CHRM2: variants seen among roughly 807,000 people sequenced by gnomAD.
CHRM2 encodes muscarinic acetylcholine receptor M2.
A neutral mutation model predicts 25.0 loss-of-function variants in CHRM2; 8 were observed. That is an observed-to-expected ratio of 0.32 (90% CI 0.19 to 0.58). The LOEUF (loss-of-function observed/expected upper bound fraction) is 0.58, where lower values mean the gene tolerates loss of function less well. CHRM2 is among the 20% of genes least tolerant of loss of function. CHRM2 has a pLI of 0.88. For missense variants in CHRM2, 440 were observed against 567.1 expected (o/e 0.78, Z 2.28); for synonymous variants, 202 against 205.7 (o/e 0.98, Z 0.15).
intron 2 of CHRM2, among the ~76,000 whole-genome samples, chr7:136,943,727 G>C (rs1799904573): frequency 3.0e-5 from 1 of 33,100 alleles, no homozygotes; most frequent in East Asian, 4.5e-4. Flanking sequence ...CAGTATCAAT[G>C]ATTATCTCAG....
chr7:136,918,981 T>A (rs1321269919), intron 2 of CHRM2, among the ~76,000 whole-genome samples: 1 of 152,126 alleles, frequency 6.6e-6, no homozygotes, highest in Admixed American at 6.6e-5. Context: ...ATGGTATAAA[T>A]ACTTTGTCCA....
At chr7:136,962,192 G>A (rs1801132039) in intron 2 of CHRM2, among the ~76,000 whole-genome samples, 1 of 151,708 alleles carries the variant, frequency 6.6e-6, no homozygotes, top group Non-Finnish European at 1.5e-5. Flanking sequence ...GAGTGCAGTG[G>A]TGCAATCTTG....
intron 2 of CHRM2, chr7:136,901,839 C>A (rs926352657): frequency 2.0e-5 from 3 of 151,932 alleles, no homozygotes; most frequent in Admixed American, 6.6e-5. Context: ...ATCATGGACT[C>A]AGGGGCTGAC....
At chr7:136,949,459 T>TAAAAAAAAA (rs386411435) in intron 2 of CHRM2, among the ~76,000 whole-genome samples, 1 of 120,850 alleles carries the variant, frequency 8.3e-6, no homozygotes, top group East Asian at 2.6e-4. Context: ...TCTGCAAAAC[T>TAAAAAAAAA]AAAAAAAAAA....
chr7:136,962,610 G>C (rs573464718), intron 2 of CHRM2, among the ~76,000 whole-genome samples: 1 of 152,236 alleles, frequency 6.6e-6, no homozygotes, highest in East Asian at 1.9e-4. Context: ...AAGTTAGTGG[G>C]GAAATGTAAT....
chr7:137,018,712 C>T lies in CHRM2; in HGVS notation c.*2446C>T, dbSNP rs1805298734. The T allele has an allele frequency of 6.6e-6, 1 of 151,854 alleles. No individual in the cohort carries two copies. Among genetic ancestry groups the T allele is most frequent in the African/African-American group, 2.4e-5 (1 of 41,370 alleles). The allele number at this position is 151,854 out of a possible 1,614,324, so 9.4% of individuals were successfully genotyped here. A position where few individuals can be genotyped will look rare whatever the true frequency, so the allele number is the denominator to read the frequency against. On this transcript the variant is annotated 3_prime_UTR_variant, in exon 4 of 4. Transcript: ENST00000680005. The stretch of plus-strand genomic sequence containing the variant: ...TCCTCCCTCTGTTATTGATCCTTGC[C>T]ACAGCCACTGCAACCTCATTGAAAG...
At chr7:136,897,818 T>C (rs891301121) in intron 2 of CHRM2, among the ~76,000 whole-genome samples, 1 of 152,168 alleles carries the variant, frequency 6.6e-6, no homozygotes, top group African/African-American at 2.4e-5. Flanking sequence ...TCATTTTTTG[T>C]TCATAATTTA....
Position 136,985,528 on chromosome 7 carries a change from A to C in CHRM2, c.-124-6659A>C, listed in dbSNP as rs324629. ...CCAAAAAAAAAAAAAAAAAAAAAAA[A>C]CAAAAACACCTCTAATATCTGAAAT... On this transcript the variant is annotated intron_variant, in intron 2 of 3. Coordinates refer to ENST00000680005, the MANE Select transcript of CHRM2 (RefSeq NM_001006630.2). Among the ~76,000 whole-genome samples, 443 of 142,552 alleles carry C rather than the reference A, an allele frequency of 3.1e-3. 1 individual carries two copies. The highest frequency in any genetic ancestry group is 0.011 in the African/African-American group (421 of 39,236). 93.5% of individuals were successfully genotyped at this position (142,552 alleles called of 152,430 possible).
intron 3 of CHRM2, among the ~76,000 whole-genome samples, chr7:137,006,641 T>C (rs1804447074): frequency 6.6e-6 from 1 of 152,120 alleles, no homozygotes; most frequent in South Asian, 2.1e-4. Flanking sequence ...TGTTCTATAA[T>C]TTTCTTTTAC....
At chr7:136,921,127 C>T (rs899059852) in intron 2 of CHRM2, among the ~76,000 whole-genome samples, 1 of 152,090 alleles carries the variant, frequency 6.6e-6, no homozygotes, top group Non-Finnish European at 1.5e-5. Flanking sequence ...TCAAACCTTG[C>T]TCTTCTCACC....
intron 3 of CHRM2, among the ~76,000 whole-genome samples, chr7:137,004,655 A>C (rs541341831): frequency 6.6e-6 from 1 of 152,248 alleles, no homozygotes; most frequent in East Asian, 1.9e-4. Flanking sequence ...AGCAGTCTGG[A>C]GAGTTGACTG....
chr7:136,971,809 A>AAAG (rs1183795572), intron 2 of CHRM2, among the ~76,000 whole-genome samples: 7 of 96,298 alleles, frequency 7.3e-5, no homozygotes, highest in African/African-American at 2.1e-4. Flanking sequence ...ATGAGAACTA[A>AAAG]AAGACAAATT....
chr7:136,888,394 C>T (rs1363439662), intron 2 of CHRM2, among the ~76,000 whole-genome samples: 2 of 152,134 alleles, frequency 1.3e-5, no homozygotes, highest in African/African-American at 4.8e-5. Context: ...CTTGCTTCAG[C>T]CTATGGGAAG....
intron 2 of CHRM2, among the ~76,000 whole-genome samples, chr7:136,967,782 T>C (rs1049786175): frequency 1.3e-5 from 2 of 152,080 alleles, no homozygotes; most frequent in African/African-American, 4.8e-5. Flanking sequence ...GTCCATGGTA[T>C]GAGTTGTCAG....
At chr7:137,012,981 T>C (rs888017122) in intron 3 of CHRM2, among the ~76,000 whole-genome samples, 1 of 152,012 alleles carries the variant, frequency 6.6e-6, no homozygotes, top group African/African-American at 2.4e-5. Flanking sequence ...TTTGCATCTT[T>C]AAACTGTGGG....
chr7:136,945,631 T>C (rs558226045), intron 2 of CHRM2, among the ~76,000 whole-genome samples: 1 of 152,272 alleles, frequency 6.6e-6, no homozygotes, highest in South Asian at 2.1e-4. Context: ...AGCCTTGTAG[T>C]ATAATTTGAA....
At chr7:136,962,093 A>G (rs1367717781) in intron 2 of CHRM2, among the ~76,000 whole-genome samples, 2 of 152,082 alleles carry the variant, frequency 1.3e-5, no homozygotes, top group Non-Finnish European at 2.9e-5. Flanking sequence ...CCACATTTTC[A>G]TAACTCTGCA....
At chr7:136,872,357 T>C (rs1003115019) in intron 2 of CHRM2, among the ~76,000 whole-genome samples, 3 of 152,180 alleles carry the variant, frequency 2.0e-5, no homozygotes, top group Admixed American at 2.0e-4. Flanking sequence ...GCAGGTGAAA[T>C]ACTGGTAAAA....
chr7:136,914,557 G>T (rs1417541355), intron 2 of CHRM2, among the ~76,000 whole-genome samples: 1 of 151,804 alleles, frequency 6.6e-6, no homozygotes, highest in African/African-American at 2.4e-5. Flanking sequence ...TTAAAATAAG[G>T]CAGTATTATA....
Sources: allele counts gnomAD v4.1 joint callset (sites outside exome capture counted in the v4.1 genomes callset), GRCh38; gene constraint gnomAD v4.1.1; transcripts MANE v1.5; gene names NCBI Gene and HGNC (gene_info 2026-07-23, HGNC 2026-07-21).